Variants in CLIC4 observed in about 807,000 individuals in gnomAD.
CLIC4 encodes CLIC family member 4.
In CLIC4, 13 loss-of-function variants were observed where a neutral mutation model predicts 24.6. The observed-to-expected ratio is 0.53, with a 90% CI of 0.34 to 0.84. The LOEUF (loss-of-function observed/expected upper bound fraction) is 0.84. Ranked by LOEUF, CLIC4 falls within the 40% of genes least tolerant of loss-of-function variation. CLIC4 has a pLI of 0.01. For missense variants in CLIC4, 227 were observed against 301.7 expected (o/e 0.75, Z 1.83); for synonymous variants, 104 against 111.3 (o/e 0.93, Z 0.41).
chr1:24,803,502 C>T (rs982321211), intron 2 of CLIC4, among the ~76,000 whole-genome samples: 3 of 152,272 alleles, frequency 2.0e-5, no homozygotes, highest in African/African-American at 7.2e-5. Context: ...TTCATGTGTC[C>T]CTTGTGAGGC....
At chr1:24,790,860 A>G (rs1639325954) in intron 1 of CLIC4, among the ~76,000 whole-genome samples, 2 of 152,150 alleles carry the variant, frequency 1.3e-5, no homozygotes, top group African/African-American at 2.4e-5. Context: ...ATATGTGATC[A>G]TATTTTTCAA....
At position 24,745,768 on chromosome 1, in the gene CLIC4, T is replaced by C. The variant is rs1638682569; in HGVS notation, c.72+143T>C. The C allele has an allele frequency of 8.1e-5, 46 of 571,288 alleles. 1 individual carries two copies. In the South Asian group the frequency reaches 1.7e-3, roughly 21 times the overall value. 35.4% of individuals were successfully genotyped at this position (571,288 alleles called of 1,614,324 possible). A position where few individuals can be genotyped will look rare whatever the true frequency, so the allele number is the denominator to read the frequency against. On this transcript the variant is annotated intron_variant, in intron 1 of 5. Coordinates refer to ENST00000374379, the MANE Select transcript of CLIC4 (RefSeq NM_013943.3). ...TGCGGGCACCCGCGCCCCCGGCCCATTGTCTGGGGGCCGCCCGCGCCTTCC... is the reference window on the plus strand; with the variant it reads ...TGCGGGCACCCGCGCCCCCGGCCCACTGTCTGGGGGCCGCCCGCGCCTTCC...
At chr1:24,797,719 T>A (rs1392284177) in intron 1 of CLIC4, 23 bp from the exon 2 acceptor site, 1 of 1,541,260 alleles carries the variant, frequency 6.5e-7, no homozygotes, top group African/African-American at 1.4e-5. Context: ...ACCTTGTTTT[T>A]AATGTTTAAT....
intron 1 of CLIC4, among the ~76,000 whole-genome samples, chr1:24,786,032 AAT>A (rs1439346860): frequency 6.6e-6 from 1 of 152,134 alleles, no homozygotes; most frequent in Non-Finnish European, 1.5e-5. Context: ...ACTAAAGGTA[AAT>A]GAGGTATTAA....
rs1639966496 is a variant in CLIC4, at chr1:24,843,777, G to A, written c.*2840G>A. 1.3e-5 allele frequency: 2 copies of A among 152,624 alleles called. No homozygotes were observed. Among genetic ancestry groups the A allele is most frequent in the Admixed American group, 1.3e-4 (2 of 15,284 alleles). The allele number at this position is 152,624 out of a possible 1,614,324, so 9.5% of individuals were successfully genotyped here. A position where few individuals can be genotyped will look rare whatever the true frequency, so the allele number is the denominator to read the frequency against. ...TGGATCAACTCTAGGATTTAGGCAT[G>A]TTAACTTCTGTTGTGTTTTGAATCT... On this transcript the variant is annotated 3_prime_UTR_variant, in exon 6 of 6. Coordinates refer to ENST00000374379, the MANE Select transcript of CLIC4 (RefSeq NM_013943.3).
chr1:24,794,900 C>G (rs1639381801), intron 1 of CLIC4, among the ~76,000 whole-genome samples: 1 of 152,124 alleles, frequency 6.6e-6, no homozygotes, highest in Non-Finnish European at 1.5e-5. Context: ...CAATTTTAAT[C>G]TTCTGCATAT....
chr1:24,817,522 T>G (rs371431612), intron 3 of CLIC4, among the ~76,000 whole-genome samples: 2 of 152,350 alleles, frequency 1.3e-5, no homozygotes, highest in South Asian at 2.1e-4. Context: ...GGTTTTGGCT[T>G]AAGGGAATGC....
intron 1 of CLIC4, among the ~76,000 whole-genome samples, chr1:24,756,822 G>A (rs1638857827): frequency 6.6e-6 from 1 of 152,004 alleles, no homozygotes; most frequent in Non-Finnish European, 1.5e-5. Context: ...CCGGGTTCAA[G>A]CGATTCTTCT....
chr1:24,825,516 T>G (rs1049282021), intron 3 of CLIC4, among the ~76,000 whole-genome samples: 3 of 152,198 alleles, frequency 2.0e-5, no homozygotes. Context: ...ATATCTAAAT[T>G]CAGGTGAAAC....
chr1:24,812,333 C>T (rs538772727), intron 2 of CLIC4, among the ~76,000 whole-genome samples: 1 of 152,168 alleles, frequency 6.6e-6, no homozygotes, highest in East Asian at 1.9e-4. Flanking sequence ...CCTTGTCAAG[C>T]CTGGACTTCT....
At chr1:24,827,875 T>C (rs1420800125) in intron 4 of CLIC4, among the ~76,000 whole-genome samples, 1 of 151,860 alleles carries the variant, frequency 6.6e-6, no homozygotes, top group Non-Finnish European at 1.5e-5. Flanking sequence ...AATTTCCTTT[T>C]CTCTTCGGGA....
Position 24,842,550 on chromosome 1 carries a change from G to A in CLIC4, c.*1613G>A, listed in dbSNP as rs1414167349. ...GCTTTATGAAAGCGGCTTTTTATAAGTATACTGCATTTTTTGAGCCTATCA... is the reference window on the plus strand; with the variant it reads ...GCTTTATGAAAGCGGCTTTTTATAAATATACTGCATTTTTTGAGCCTATCA... On this transcript the variant is annotated 3_prime_UTR_variant, in exon 6 of 6. Transcript: ENST00000374379. The A allele has an allele frequency of 1.3e-5, 2 of 152,084 alleles. No individual in the cohort carries two copies. The highest frequency in any genetic ancestry group is 2.9e-5 in the Non-Finnish European group (2 of 68,008). The allele number at this position is 152,084 out of a possible 1,614,324, so 9.4% of individuals were successfully genotyped here.
intron 2 of CLIC4, among the ~76,000 whole-genome samples, chr1:24,798,640 T>A (rs1326248945): frequency 6.6e-6 from 1 of 152,170 alleles, no homozygotes; most frequent in African/African-American, 2.4e-5. Context: ...TTCCTCTCCC[T>A]CTCCCCACGG....
chr1:24,802,219 A>G (rs1639498775), intron 2 of CLIC4, among the ~76,000 whole-genome samples: 1 of 152,238 alleles, frequency 6.6e-6, no homozygotes, highest in Non-Finnish European at 1.5e-5. Flanking sequence ...GGGTCAGAAA[A>G]GGAAGTAAAC....
At chr1:24,751,043 G>A (rs1461858664) in intron 1 of CLIC4, among the ~76,000 whole-genome samples, 1 of 152,068 alleles carries the variant, frequency 6.6e-6, no homozygotes, top group Non-Finnish European at 1.5e-5. Flanking sequence ...TGTTGTCAAT[G>A]TATGTCTCTA....
At chr1:24,792,967 T>C (rs982783443) in intron 1 of CLIC4, among the ~76,000 whole-genome samples, 35 of 152,214 alleles carry the variant, frequency 2.3e-4, no homozygotes, top group Admixed American at 9.8e-4. Flanking sequence ...CATTCATCTT[T>C]AGCCTGCTTT....
intron 3 of CLIC4, among the ~76,000 whole-genome samples, chr1:24,822,341 CTTTTTT>C (rs71032865): frequency 2.4e-4 from 18 of 75,486 alleles, no homozygotes; most frequent in South Asian, 1.0e-3. Context: ...TCAGTGAATT[CTTTTTT>C]TTTTTTTTTT....
chr1:24,818,409 C>T lies in CLIC4; in HGVS notation c.308+4190C>T, dbSNP rs1055124842. 6.6e-5 allele frequency among the ~76,000 whole-genome samples: 10 copies of T among 152,230 alleles called. No homozygotes were observed. The South Asian group carries it at 2.1e-3, about 32-fold the overall frequency. ...TCAAGTGATTCTTGTGCTTCAGCCTCCCAAGTAGCTGGGATTACAGGCACC... is the reference window on the plus strand; with the variant it reads ...TCAAGTGATTCTTGTGCTTCAGCCTTCCAAGTAGCTGGGATTACAGGCACC... On this transcript the variant is annotated intron_variant, in intron 3 of 5. Coordinates refer to ENST00000374379, the MANE Select transcript of CLIC4 (RefSeq NM_013943.3).
intron 2 of CLIC4, among the ~76,000 whole-genome samples, chr1:24,807,130 C>CT (rs1639558693): frequency 6.6e-6 from 1 of 150,948 alleles, no homozygotes; most frequent in African/African-American, 2.4e-5. Flanking sequence ...ACCCCCATCT[C>CT]TAAAAAAAAA....
Sources: allele counts gnomAD v4.1 joint callset (sites outside exome capture counted in the v4.1 genomes callset), GRCh38; gene constraint gnomAD v4.1.1; transcripts MANE v1.5; gene names NCBI Gene and HGNC (gene_info 2026-07-23, HGNC 2026-07-21).